The following CPNE3 variants were observed in gnomAD, a reference collection of about 807,000 sequenced individuals.
The protein encoded by CPNE3 is copine-3.
Under a neutral mutation model 63.9 loss-of-function variants are expected in CPNE3, and 68 were observed. The ratio of observed to expected loss-of-function variants is 1.06; its 90% CI spans 0.87 to 1.30. The LOEUF (loss-of-function observed/expected upper bound fraction) is 1.30, where lower values mean the gene tolerates loss of function less well. CPNE3 is among the 50% of genes most tolerant of loss of function. The pLI is 0.00. For synonymous variants in CPNE3, 219 were observed against 197.5 expected (o/e 1.11, Z -0.91); for missense variants, 665 against 578.1 (o/e 1.15, Z -1.54).
intron 5 of CPNE3, among the ~76,000 whole-genome samples, chr8:86,532,145 T>C (rs1177190821): frequency 1.3e-5 from 2 of 152,118 alleles, no homozygotes; most frequent in Admixed American, 6.5e-5. Flanking sequence ...ATGTATAGAG[T>C]ATTCTAGGTA....
chr8:86,540,245 G>A lies in CPNE3; in HGVS notation c.544G>A (p.Val182Ile), dbSNP rs968150672. 1 of 1,599,354 alleles carries A rather than the reference G, an allele frequency of 6.3e-7. No homozygotes were observed. The highest frequency in any genetic ancestry group is 1.7e-4 in the Middle Eastern group (1 of 5,936). ...GNWLMVHRTE[V>I]VKNNLNPVWR... ...GCTTTTTGAAACCACATTTTTATAG[G>A]TTGTTAAAAACAACTTGAATCCTGT... The change falls in exon 8 of 17, where the codon GTT becomes ATT. Residue 182 changes from valine to isoleucine, a missense_variant and splice_region_variant. Physicochemically the swap from Val to Ile is conservative, Grantham distance 29. Transcript: ENST00000517490.
chr8:86,561,366 A>G lies in CPNE3; in HGVS notation c.*2956A>G, dbSNP rs562036108. On this transcript the variant is annotated 3_prime_UTR_variant, in exon 17 of 17. Transcript: ENST00000517490. ...ACTAATATATGAATTGATGCTAAAT[A>G]TATCTTACATTTGAATTCCTTTTGG... The G allele has an allele frequency of 1.6e-4, 25 of 152,342 alleles. No homozygotes were observed. Among genetic ancestry groups the G allele is most frequent in the Middle Eastern group, 3.4e-3 (1 of 294 alleles). The allele number at this position is 152,342 out of a possible 1,614,324, so 9.4% of individuals were successfully genotyped here. A position where few individuals can be genotyped will look rare whatever the true frequency, so the allele number is the denominator to read the frequency against.
Position 86,532,613 on chromosome 8 carries a change from TCA to T in CPNE3, c.459+34_459+35del, listed in dbSNP as rs772825802. 3.2e-6 allele frequency: 5 copies of T among 1,562,774 alleles called. No individual in the cohort carries two copies. In the Admixed American group the frequency reaches 9.4e-5, roughly 29 times the overall value. ...GACTATGCAGATTTCAAAAAGGTTG[TCA>T]TGTTTTGCCTCTTTTTTAAGAAAAT... On this transcript the variant is annotated intron_variant, in intron 6 of 16. Transcript: ENST00000517490.
At chr8:86,541,281 A>C (rs948710031) in intron 8 of CPNE3, among the ~76,000 whole-genome samples, 1 of 152,172 alleles carries the variant, frequency 6.6e-6, no homozygotes, top group African/African-American at 2.4e-5. Flanking sequence ...TATTAGTAGG[A>C]AGCTTCACCT....
rs188415092 is a variant in CPNE3, at chr8:86,531,907, A to G, written c.388-602A>G. ...GTAAGGCTAGTTCCCTGAGAGAGCT[A>G]TGTTTCAAGGTTATCATGATTATCA... On this transcript the variant is annotated intron_variant, in intron 5 of 16. Transcript: ENST00000517490. Among the ~76,000 whole-genome samples, 6 of 152,344 alleles carry G rather than the reference A, an allele frequency of 3.9e-5. No individual in the cohort carries two copies. The East Asian group carries it at 9.6e-4, about 24-fold the overall frequency.
intron 2 of CPNE3, among the ~76,000 whole-genome samples, chr8:86,518,566 G>T (rs368639235): frequency 1.3e-5 from 2 of 152,128 alleles, no homozygotes; most frequent in Admixed American, 6.6e-5. Context: ...TTGCCAAGAT[G>T]CATGTTCCAT....
chr8:86,557,590 C>A (rs1306411436), intron 16 of CPNE3, among the ~76,000 whole-genome samples: 1 of 152,090 alleles, frequency 6.6e-6, no homozygotes, highest in Non-Finnish European at 1.5e-5. Context: ...TTCCCACCAG[C>A]AATGGAAGGG....
At chr8:86,555,019 T>C in intron 15 of CPNE3, 35 bp downstream of exon 15, 1 of 1,612,550 alleles carries the variant, frequency 6.2e-7, no homozygotes. Context: ...GGGAAGAATG[T>C]GGATTGGTAG....
intron 5 of CPNE3, among the ~76,000 whole-genome samples, chr8:86,531,917 G>T (rs1272880205): frequency 1.3e-5 from 2 of 152,128 alleles, no homozygotes; most frequent in Non-Finnish European, 2.9e-5. Context: ...ATGTTTCAAG[G>T]TTATCATGAT....
chr8:86,537,575 A>C lies in CPNE3; in HGVS notation c.472A>C (p.Lys158Gln), dbSNP rs1427789040. ...RKLDNKDLFG[K>Q]SDPYLEFHKQ... ...GTTTTAAATGTAGGATCTATTTGGA[A>C]AGTCAGACCCATACCTGGAATTCCA... The change falls in exon 7 of 17, where the codon AAG becomes CAG. Residue 158 changes from lysine to glutamine, a missense_variant. Lys to Gln is a moderately conservative substitution (Grantham distance 53, BLOSUM62 1). Coordinates refer to ENST00000517490, the MANE Select transcript of CPNE3 (RefSeq NM_003909.5). 1 of 1,602,054 alleles carries C rather than the reference A, an allele frequency of 6.2e-7. No individual in the cohort carries two copies. The highest frequency in any genetic ancestry group is 8.6e-7 in the Non-Finnish European group (1 of 1,169,164).
chr8:86,530,631 A>G (rs1050625820), intron 4 of CPNE3, among the ~76,000 whole-genome samples: 8 of 152,094 alleles, frequency 5.3e-5, no homozygotes, highest in African/African-American at 1.9e-4. Context: ...GGGTAGGTAG[A>G]TTGTATCTGC....
At chr8:86,535,816 A>G (rs974652529) in intron 6 of CPNE3, among the ~76,000 whole-genome samples, 2 of 152,230 alleles carry the variant, frequency 1.3e-5, no homozygotes, top group African/African-American at 2.4e-5. Flanking sequence ...TATTATTAAC[A>G]GTATTTTTAC....
chr8:86,552,976 C>CT (rs1439804844), intron 14 of CPNE3, among the ~76,000 whole-genome samples: 4 of 56,818 alleles, frequency 7.0e-5, no homozygotes, highest in Admixed American at 1.7e-4. Context: ...CCCCCCCCCC[C>CT]CCGCCCACAA....
intron 13 of CPNE3, 30 bp from the exon 14 acceptor site, chr8:86,551,153 C>T (rs368848942): frequency 6.4e-5 from 103 of 1,613,446 alleles, no homozygotes; most frequent in Middle Eastern, 3.3e-4. Flanking sequence ...GCAGCCCAGC[C>T]CTCATCAGTC....
In CPNE3 at chr8:86,514,560, C is replaced by G. The variant is rs1235832997; in HGVS notation, c.-49+19C>G. ...CTCCCACGTGAGTGCGGGCGTCTCC[C>G]AGTTCCTGGGCCGGTGAGGCAGCAG... On this transcript the variant is annotated intron_variant, in intron 1 of 16. Coordinates refer to ENST00000517490, the MANE Select transcript of CPNE3 (RefSeq NM_003909.5). 3 of 152,342 alleles carry G rather than the reference C, an allele frequency of 2.0e-5. No homozygotes were observed. The highest frequency in any genetic ancestry group is 7.2e-5 in the African/African-American group (3 of 41,458). 9.4% of individuals were successfully genotyped at this position (152,342 alleles called of 1,614,324 possible). A position where few individuals can be genotyped will look rare whatever the true frequency, so the allele number is the denominator to read the frequency against.
chr8:86,550,930 C>A, intron 12 of CPNE3, 116 bp from the exon 13 acceptor site: 1 of 1,034,022 alleles, frequency 9.7e-7, no homozygotes, highest in Non-Finnish European at 1.3e-6. Context: ...TATAGGTAAT[C>A]TTTGTTTTAT....
chr8:86,543,605 C>T (rs1820989322), intron 8 of CPNE3, among the ~76,000 whole-genome samples: 1 of 152,042 alleles, frequency 6.6e-6, no homozygotes, highest in African/African-American at 2.4e-5. Context: ...TCAAAGTGTC[C>T]TTAGCACAGC....
rs762236512 is a variant in CPNE3 at position 86,551,098 on chromosome 8, C to T, written c.1066C>T (p.Gln356Ter). The T allele has an allele frequency of 8.7e-6, 14 of 1,612,548 alleles. No individual in the cohort carries two copies. The highest frequency in any genetic ancestry group is 6.8e-6 in the Non-Finnish European group (8 of 1,179,246). ...GFGAQIPPQWQVSHEFPMNFN... is the reference protein window; with the variant it reads ...GFGAQIPPQW ...TGGCGCTCAGATACCTCCTCAGTGG[C>T]AGGTAAGAGGAAATCTCTATTTTAA... Residue 356 changes from glutamine (Q) to a stop codon, truncating the protein, a stop_gained and splice_region_variant, in exon 13 of 17, where the codon CAG (glutamine) becomes TAG (stop). Coordinates refer to ENST00000517490, the MANE Select transcript of CPNE3 (RefSeq NM_003909.5). LOFTEE classifies it high-confidence loss of function.
intron 14 of CPNE3, among the ~76,000 whole-genome samples, chr8:86,552,855 TC>T (rs1166130048): frequency 4.1e-5 from 6 of 145,700 alleles, no homozygotes; most frequent in Non-Finnish European, 7.6e-5. Context: ...TTTTTTTTTT[TC>T]GAGACGAAGT....
Sources: gnomAD v4.1 joint callset for allele counts (sites outside exome capture counted in the v4.1 genomes callset) on GRCh38, gnomAD v4.1.1 for gene constraint, MANE v1.5 for transcripts, NCBI Gene and HGNC (gene_info 2026-07-23, HGNC 2026-07-21) for gene names.